Variants in RBFOX2 observed in about 807,000 individuals in gnomAD.
The protein encoded by RBFOX2 is RNA binding fox-1 homolog 2.
In RBFOX2, 10 loss-of-function variants were observed where a neutral mutation model predicts 49.1. The ratio of observed to expected loss-of-function variants is 0.20; its 90% confidence interval spans 0.13 to 0.35. RBFOX2 has a LOEUF of 0.35. Among genes scored for constraint, RBFOX2 ranks in the 10% least tolerant of loss-of-function variants. The pLI, the probability that RBFOX2 is intolerant of heterozygous loss-of-function variation, is 1.00. For missense variants in RBFOX2, 323 were observed against 486.9 expected, an observed-to-expected ratio of 0.66 and a Z score of 3.17; for synonymous variants, 183 against 187.4, an observed-to-expected ratio of 0.98 and a Z score of 0.19.
rs577751645 is a variant in RBFOX2, at chr22:35,946,748, A to G, written c.43-7851T>C. Among the ~76,000 whole-genome samples the G allele has an allele frequency of 5.3e-5, 8 of 152,336 alleles. No homozygotes were observed. In the South Asian group the frequency reaches 1.7e-3, roughly 32 times the overall value. On this transcript the variant is annotated intron_variant, in intron 1 of 5. Coordinates refer to the RBFOX2 transcript ENST00000408983. Reference sequence around the variant, plus strand: ...GGTGTTCAAAACCTAGTGATATTATAAACTGTTTCTAGTATTCAAGAACAG... The same window carrying G: ...GGTGTTCAAAACCTAGTGATATTATGAACTGTTTCTAGTATTCAAGAACAG...
intron 1 of RBFOX2, among the ~76,000 whole-genome samples, chr22:35,971,147 C>A (rs1471668944): frequency 6.6e-6 from 1 of 152,080 alleles, no homozygotes; most frequent in Non-Finnish European, 1.5e-5. Flanking sequence ...CAAATTCAAG[C>A]CCACGTCAGA....
chr22:35,755,536 C>T (rs1436097409), intron 9 of RBFOX2, among the ~76,000 whole-genome samples: 1 of 152,182 alleles, frequency 6.6e-6, no homozygotes, highest in Non-Finnish European at 1.5e-5. Flanking sequence ...CTCATTACTA[C>T]ACACTCTTTG....
At chr22:35,874,215 C>T (rs2044722785) in intron 1 of RBFOX2, among the ~76,000 whole-genome samples, 1 of 152,014 alleles carries the variant, frequency 6.6e-6, no homozygotes, top group South Asian at 2.1e-4. Context: ...AGGCAGTAGA[C>T]TACAGGAAAA....
At chr22:35,962,944 C>T (rs6000047), upstream of RBFOX2, among the ~76,000 whole-genome samples, 1,911 of 150,876 alleles carry the variant, frequency 0.013, 39 homozygotes, top group African/African-American at 0.045. Context: ...CCAAGCAGGT[C>T]AGAGCCTTGT....
upstream of RBFOX2, among the ~76,000 whole-genome samples, chr22:35,941,400 A>C (rs2053673750): frequency 6.6e-6 from 1 of 152,186 alleles, no homozygotes; most frequent in Non-Finnish European, 1.5e-5. Context: ...CAGTATACAA[A>C]AATATATTTC....
intron 1 of RBFOX2, among the ~76,000 whole-genome samples, chr22:35,924,041 T>C (rs1208805187): frequency 2.0e-5 from 3 of 152,220 alleles, no homozygotes; most frequent in Admixed American, 6.5e-5. Flanking sequence ...GATTCACTCA[T>C]TAACAACTAC....
intron 1 of RBFOX2, among the ~76,000 whole-genome samples, chr22:35,972,410 A>C (rs968966767): frequency 6.6e-6 from 1 of 151,116 alleles, no homozygotes; most frequent in African/African-American, 2.5e-5. Flanking sequence ...GTTTCTGTAA[A>C]ATTGATTTTT....
At chr22:35,819,324 A>G (rs1005037853) in intron 1 of RBFOX2, among the ~76,000 whole-genome samples, 3 of 152,334 alleles carry the variant, frequency 2.0e-5, no homozygotes, top group African/African-American at 7.2e-5. Context: ...ATATAAGGCT[A>G]TATGTGGGAG....
intron 1 of RBFOX2, among the ~76,000 whole-genome samples, chr22:36,005,393 TA>T (rs1160410751): frequency 1.3e-5 from 2 of 152,228 alleles, no homozygotes; most frequent in Non-Finnish European, 2.9e-5. Flanking sequence ...GAACGATTCT[TA>T]ATTCTGCAAT....
chr22:35,740,966 T>C (rs1394684421), exon 12 of RBFOX2: 1 of 152,186 alleles, frequency 6.6e-6, no homozygotes, highest in Non-Finnish European at 1.5e-5. Context: ...AGATTTCCAC[T>C]AGCTCCCCTC....
chr22:35,765,507 G>A (rs772923220), intron 5 of RBFOX2, 24 bp from the exon 7 acceptor site: 114 of 1,473,774 alleles, frequency 7.7e-5, no homozygotes, highest in Non-Finnish European at 1.0e-4. Flanking sequence ...GGAGAAAAAA[G>A]GGCAGGGAAG....
chr22:35,878,858 G>A (rs1442752423), intron 1 of RBFOX2, among the ~76,000 whole-genome samples: 4 of 152,172 alleles, frequency 2.6e-5, no homozygotes, highest in African/African-American at 9.7e-5. Flanking sequence ...AGCCTCCAGA[G>A]TGGCTGGGAC....
chr22:35,937,816 C>A (rs2053265655), intron 1 of RBFOX2, among the ~76,000 whole-genome samples: 1 of 152,102 alleles, frequency 6.6e-6, no homozygotes, highest in African/African-American at 2.4e-5. Context: ...GTCTCAAACT[C>A]CTGACCTCAT....
intron 4 of RBFOX2, among the ~76,000 whole-genome samples, chr22:35,776,547 A>G (rs189074731): frequency 3.0e-4 from 45 of 152,336 alleles, no homozygotes; most frequent in African/African-American, 1.0e-3. Flanking sequence ...CAGGAGGTAT[A>G]TAAACTCTGT....
chr22:35,812,977 T>C (rs1254822399), intron 1 of RBFOX2, among the ~76,000 whole-genome samples: 1 of 152,206 alleles, frequency 6.6e-6, no homozygotes, highest in Non-Finnish European at 1.5e-5. Context: ...GCAATCCACT[T>C]GTAGCCTAGG....
At chr22:35,829,150 A>G (rs1367322221) in intron 1 of RBFOX2, among the ~76,000 whole-genome samples, 5 of 152,212 alleles carry the variant, frequency 3.3e-5, no homozygotes, top group Non-Finnish European at 7.3e-5. Context: ...AAGCTCAAGA[A>G]TATTTATAGA....
At chr22:35,899,566 CAA>C (rs398061920) in intron 1 of RBFOX2, among the ~76,000 whole-genome samples, 5 of 90,060 alleles carry the variant, frequency 5.6e-5, no homozygotes, top group Admixed American at 2.2e-4. Context: ...TAAAACAAAA[CAA>C]AAAAAAAAAA....
exon 12 of RBFOX2, chr22:35,740,787 T>C (rs1929515287): frequency 6.6e-6 from 1 of 152,270 alleles, no homozygotes; most frequent in Non-Finnish European, 1.5e-5. Context: ...CCATCCCTGT[T>C]TGATGTCTCC....
rs1951447058 is a variant in RBFOX2 at position 35,809,650 on chromosome 22, G to C, written c.252+130C>G. 3.9e-6 allele frequency: 4 copies of C among 1,012,788 alleles called. 1 individual carries two copies. In the South Asian group the frequency reaches 5.8e-5, roughly 15 times the overall value. 62.7% of individuals were successfully genotyped at this position (1,012,788 alleles called of 1,614,324 possible). On this transcript the variant is annotated intron_variant, in intron 2 of 11. Transcript: ENST00000405409. ...AGGACAATGTATACAATGCTGTTGA[G>C]AGAAGGTGTAAATGAGAACAGGTGT...
Sources: allele counts gnomAD v4.1 joint callset (sites outside exome capture counted in the v4.1 genomes callset), GRCh38; gene constraint gnomAD v4.1.1; transcripts MANE v1.5; gene names NCBI Gene and HGNC (gene_info 2026-07-23, HGNC 2026-07-21).